The following LTBP1 variants were observed in gnomAD, a reference collection of about 807,000 sequenced individuals.
LTBP1 encodes latent-transforming growth factor beta-binding protein 1.
LTBP1 carries 129 observed loss-of-function variants against 207.6 expected under a neutral mutation model. The observed-to-expected ratio is 0.62, with a 90% confidence interval of 0.54 to 0.72. The LOEUF (loss-of-function observed/expected upper bound fraction) is 0.72. LTBP1 is among the 30% of genes least tolerant of loss of function. The probability of loss-of-function intolerance (pLI) is 0.00; values close to 1 mark genes in which losing one functional copy is unlikely to be tolerated. For missense variants in LTBP1, 2,281 were observed against 2,217.2 expected, an observed-to-expected ratio of 1.03 and a Z score of -0.58; for synonymous variants, 963 against 833.7, an observed-to-expected ratio of 1.16 and a Z score of -2.67.
chr2:33,222,223 C>G, intron 9 of LTBP1, 72 bp downstream of exon 9: 4 of 1,086,284 alleles, frequency 3.7e-6, no homozygotes, highest in Non-Finnish European at 4.3e-6. Flanking sequence ...AGTTGTTTGC[C>G]ACGGCTTGCT....
At chr2:33,150,143 C>T (rs558912693) in intron 5 of LTBP1, among the ~76,000 whole-genome samples, 9 of 152,204 alleles carry the variant, frequency 5.9e-5, no homozygotes, top group African/African-American at 1.7e-4. Flanking sequence ...AAGAAATGGC[C>T]CTAGGGAGCA....
rs553908608 is a variant in LTBP1 at position 33,351,363 on chromosome 2, C to T, written c.4000+3853C>T. 2.0e-5 allele frequency among the ~76,000 whole-genome samples: 3 copies of T among 152,300 alleles called. No individual in the cohort carries two copies. In the East Asian group the frequency reaches 5.8e-4, roughly 29 times the overall value. ...AACCCAACTCAGGATCTTCTCACTT[C>T]ACCATTTCTAATTTTAGGGCTGAGG... On this transcript the variant is annotated intron_variant, in intron 26 of 33. Coordinates refer to ENST00000404816, the MANE Select transcript of LTBP1 (RefSeq NM_206943.4).
intron 2 of LTBP1, among the ~76,000 whole-genome samples, chr2:33,004,407 T>G (rs1426940877): frequency 2.0e-5 from 3 of 151,990 alleles, no homozygotes; most frequent in Admixed American, 6.6e-5. Flanking sequence ...GCATGGCGAT[T>G]TTTTTTTAAA....
intron 5 of LTBP1, among the ~76,000 whole-genome samples, chr2:33,153,912 G>C (rs1011643800): frequency 6.6e-6 from 1 of 152,136 alleles, no homozygotes; most frequent in Non-Finnish European, 1.5e-5. Flanking sequence ...AGGAAACTGG[G>C]GGGTGGAGGA....
intron 7 of LTBP1, among the ~76,000 whole-genome samples, chr2:33,215,499 G>T (rs1467321718): frequency 1.3e-5 from 2 of 152,100 alleles, no homozygotes; most frequent in Non-Finnish European, 2.9e-5. Flanking sequence ...GTTTGGTCTT[G>T]TTTTACAATT....
In LTBP1 at chr2:32,963,545, C is replaced by G. The variant is rs77321639; in HGVS notation, c.565+14600C>G. ...ATTAATACACATTCTATACTGTATGCTCACTGAGGAGTGGCAAAGAAACCA... is the reference window on the plus strand; with the variant it reads ...ATTAATACACATTCTATACTGTATGGTCACTGAGGAGTGGCAAAGAAACCA... On this transcript the variant is annotated intron_variant, in intron 2 of 33. Transcript: ENST00000404816. 4.0e-3 allele frequency among the ~76,000 whole-genome samples: 607 copies of G among 152,234 alleles called. 1 individual carries two copies. The highest frequency in any genetic ancestry group is 8.1e-3 in the Admixed American group (124 of 15,282).
chr2:33,327,804 A>G (rs2094446050), intron 24 of LTBP1, among the ~76,000 whole-genome samples: 1 of 152,208 alleles, frequency 6.6e-6, no homozygotes, highest in African/African-American at 2.4e-5. Flanking sequence ...AGTGTGGATT[A>G]TCTCTTTTTT....
chr2:33,011,014 G>A (rs1006181607), intron 2 of LTBP1, among the ~76,000 whole-genome samples: 8 of 151,962 alleles, frequency 5.3e-5, no homozygotes, highest in Admixed American at 2.6e-4. Context: ...CACCAGGCCC[G>A]GCCTAATCCA....
In LTBP1 at chr2:33,158,545, G is replaced by A. The variant is rs1444815532; in HGVS notation, c.1201+23585G>A. On this transcript the variant is annotated intron_variant, in intron 5 of 33. Coordinates refer to ENST00000404816, the MANE Select transcript of LTBP1 (RefSeq NM_206943.4). Reference sequence around the variant, plus strand: ...AATAGGGGTGACTTATAGTTCCCTGGTTAATTCCTGGAGGGGGTCCTGAAT... The same window carrying A: ...AATAGGGGTGACTTATAGTTCCCTGATTAATTCCTGGAGGGGGTCCTGAAT... Among the ~76,000 whole-genome samples, 5 of 152,274 alleles carry A rather than the reference G, an allele frequency of 3.3e-5. No homozygotes were observed. The East Asian group carries it at 9.7e-4, about 29-fold the overall frequency.
Position 32,971,442 on chromosome 2 carries a change from C to T in LTBP1, c.565+22497C>T, listed in dbSNP as rs375311900. On this transcript the variant is annotated intron_variant, in intron 2 of 33. Transcript: ENST00000404816. Reference sequence around the variant, plus strand: ...GGCTGTGGGTTTGTCGTAGATGGCCCTTATTATTTTGAGGAAAATTATTCC... The same window carrying T: ...GGCTGTGGGTTTGTCGTAGATGGCCTTTATTATTTTGAGGAAAATTATTCC... Among the ~76,000 whole-genome samples, 164 of 152,020 alleles carry T rather than the reference C, an allele frequency of 1.1e-3. 6 individuals carry two copies. The South Asian group carries it at 0.033, about 31-fold the overall frequency.
chr2:33,223,513 G>C (rs1192169646), intron 9 of LTBP1, among the ~76,000 whole-genome samples: 1 of 152,146 alleles, frequency 6.6e-6, no homozygotes, highest in Non-Finnish European at 1.5e-5. Flanking sequence ...CATTATTTTA[G>C]AGTCAGAATT....
intron 31 of LTBP1, among the ~76,000 whole-genome samples, chr2:33,381,197 T>C (rs1032942252): frequency 6.6e-6 from 1 of 152,224 alleles, no homozygotes; most frequent in Admixed American, 6.5e-5. Flanking sequence ...CCCAGATACA[T>C]TGGCAATCAT....
In LTBP1 at chr2:33,393,512, A is replaced by C. The variant is rs187928674; in HGVS notation, c.4835-3621A>C. 3.5e-5 allele frequency among the ~76,000 whole-genome samples: 5 copies of C among 144,382 alleles called. No individual in the cohort carries two copies. In the South Asian group the frequency reaches 1.1e-3, roughly 32 times the overall value. 94.7% of individuals were successfully genotyped at this position (144,382 alleles called of 152,430 possible). A position where few individuals can be genotyped will look rare whatever the true frequency, so the allele number is the denominator to read the frequency against. ...TGTGTCCAAGTGTTCTCATTGTTCA[A>C]TTCCCACCTATGAGTGAGAACATGC... On this transcript the variant is annotated intron_variant, in intron 32 of 33. Transcript: ENST00000404816.
At chr2:32,995,183 C>CA (rs374253181) in intron 2 of LTBP1, among the ~76,000 whole-genome samples, 15,779 of 140,334 alleles carry the variant, frequency 0.11, 965 homozygotes, top group Non-Finnish European at 0.15. Context: ...ACCCTGTCTC[C>CA]AAAAAAAAAA....
intron 5 of LTBP1, among the ~76,000 whole-genome samples, chr2:33,167,589 T>G (rs1347047822): frequency 6.6e-6 from 1 of 152,210 alleles, no homozygotes; most frequent in Non-Finnish European, 1.5e-5. Context: ...GAGTGGGAGC[T>G]TCCAGCTTTG....
intron 19 of LTBP1, among the ~76,000 whole-genome samples, chr2:33,283,550 C>A (rs2093606399): frequency 6.7e-6 from 1 of 149,726 alleles, no homozygotes; most frequent in South Asian, 2.1e-4. Context: ...CATTCTCCTA[C>A]CTCAGCCTCC....
intron 6 of LTBP1, among the ~76,000 whole-genome samples, chr2:33,187,577 C>G (rs1428936135): frequency 6.6e-6 from 1 of 152,206 alleles, no homozygotes; most frequent in Non-Finnish European, 1.5e-5. Flanking sequence ...CTCAAAAATT[C>G]TATGACGAAT....
chr2:33,115,037 T>TATACACACACACACACAC (rs869158793), intron 4 of LTBP1, among the ~76,000 whole-genome samples: 7 of 145,150 alleles, frequency 4.8e-5, no homozygotes, highest in African/African-American at 1.0e-4. Context: ...AACAGATATA[T>TATACACACACACACACAC]ACACACACAC....
chr2:33,192,795 A>G (rs2088055929), intron 7 of LTBP1, among the ~76,000 whole-genome samples: 2 of 152,224 alleles, frequency 1.3e-5, no homozygotes, highest in Admixed American at 1.3e-4. Flanking sequence ...TTCAATATCA[A>G]GATGCCAGCA....
Sources: gnomAD v4.1 joint callset for allele counts (sites outside exome capture counted in the v4.1 genomes callset) on GRCh38, gnomAD v4.1.1 for gene constraint, MANE v1.5 for transcripts, NCBI Gene and HGNC (gene_info 2026-07-23, HGNC 2026-07-21) for gene names.